The following PARVA variants were observed in gnomAD, a reference collection of about 807,000 sequenced individuals.
The protein encoded by PARVA is parvin alpha.
PARVA carries 25 observed loss-of-function variants against 52.6 expected under a neutral mutation model. The observed-to-expected ratio is 0.48, with a 90% CI of 0.35 to 0.66. The LOEUF (loss-of-function observed/expected upper bound fraction) is 0.66, where lower values mean the gene tolerates loss of function less well. Ranked by LOEUF, PARVA falls within the 30% of genes least tolerant of loss-of-function variation. The pLI, the probability that PARVA is intolerant of heterozygous loss-of-function variation, is 0.01. For synonymous variants in PARVA, 185 were observed against 179.1 expected (o/e 1.03, Z -0.26); for missense variants, 373 against 450.9 (o/e 0.83, Z 1.56).
chr11:12,493,605 C>T (rs1941259012), intron 4 of PARVA, among the ~76,000 whole-genome samples: 1 of 109,692 alleles, frequency 9.1e-6, no homozygotes, highest in Non-Finnish European at 1.9e-5. Context: ...TAAGAAATAC[C>T]AGACGCTAAA....
chr11:12,511,693 G>A (rs1027404101), intron 8 of PARVA, among the ~76,000 whole-genome samples, 160 bp downstream of exon 8: 1 of 151,970 alleles, frequency 6.6e-6, no homozygotes, highest in Non-Finnish European at 1.5e-5. Context: ...ACAGCTTACT[G>A]GCGGGAAGAA....
chr11:12,475,633 C>T (rs1188020958), intron 3 of PARVA, among the ~76,000 whole-genome samples: 1 of 152,202 alleles, frequency 6.6e-6, no homozygotes, highest in Admixed American at 6.5e-5. Context: ...GGCCATCTCA[C>T]TAGGGACTGG....
chr11:12,525,910 G>T (rs1271420728), intron 12 of PARVA, among the ~76,000 whole-genome samples: 2 of 152,012 alleles, frequency 1.3e-5, no homozygotes, highest in African/African-American at 2.4e-5. Context: ...GGCAGGAGGG[G>T]CCTTGGGGTG....
At chr11:12,395,852 A>C (rs368628381) in intron 1 of PARVA, among the ~76,000 whole-genome samples, 1 of 152,232 alleles carries the variant, frequency 6.6e-6, no homozygotes, top group East Asian at 1.9e-4. Flanking sequence ...TTTTGGAGGC[A>C]GAATCAGAAC....
intron 1 of PARVA, among the ~76,000 whole-genome samples, chr11:12,450,192 T>G (rs1057441971): frequency 1.3e-5 from 2 of 152,230 alleles, no homozygotes; most frequent in African/African-American, 4.8e-5. Context: ...ATAATAGTAG[T>G]ACCAGTAGAA....
intron 5 of PARVA, among the ~76,000 whole-genome samples, chr11:12,502,265 T>G (rs1236130072): frequency 6.6e-6 from 1 of 152,194 alleles, no homozygotes; most frequent in Non-Finnish European, 1.5e-5. Flanking sequence ...CCAGAAACCC[T>G]AATGAGTTAC....
intron 1 of PARVA, among the ~76,000 whole-genome samples, chr11:12,459,736 A>C (rs1028327065): frequency 2.6e-5 from 4 of 152,268 alleles, no homozygotes; most frequent in Admixed American, 2.0e-4. Flanking sequence ...TATAGAACCC[A>C]GTATGTTTTG....
chr11:12,461,247 C>T (rs1403114021), intron 1 of PARVA, among the ~76,000 whole-genome samples: 2 of 152,208 alleles, frequency 1.3e-5, no homozygotes, highest in Non-Finnish European at 2.9e-5. Context: ...ATGCCAGCTC[C>T]ACCCTGGCTG....
intron 1 of PARVA, among the ~76,000 whole-genome samples, chr11:12,466,823 T>A (rs944047877): frequency 2.6e-5 from 4 of 152,190 alleles, no homozygotes; most frequent in African/African-American, 9.7e-5. Flanking sequence ...TATGGTAGTG[T>A]TCGTCCTCCA....
intron 1 of PARVA, among the ~76,000 whole-genome samples, chr11:12,449,759 G>T (rs547323702): frequency 6.6e-6 from 1 of 152,298 alleles, no homozygotes; most frequent in East Asian, 1.9e-4. Flanking sequence ...CATTTAGTGG[G>T]TAGGGGCCAG....
chr11:12,445,949 TC>T (rs1291547244), intron 1 of PARVA, among the ~76,000 whole-genome samples: 1 of 152,186 alleles, frequency 6.6e-6, no homozygotes. Flanking sequence ...TAAATAGTAT[TC>T]TTATCCCAAT....
chr11:12,454,841 A>G (rs1216662684), intron 1 of PARVA, among the ~76,000 whole-genome samples: 3 of 152,200 alleles, frequency 2.0e-5, no homozygotes, highest in Admixed American at 1.3e-4. Flanking sequence ...AAACACAACT[A>G]TATTCATGTA....
intron 10 of PARVA, among the ~76,000 whole-genome samples, chr11:12,517,313 A>ACCCCCCC (rs1405572031): frequency 3.0e-4 from 20 of 66,240 alleles, no homozygotes; most frequent in Admixed American, 7.8e-4. Context: ...ACCACCCCCC[A>ACCCCCCC]CCCCCCACCC....
chr11:12,388,139 C>A (rs1285090537), intron 1 of PARVA, among the ~76,000 whole-genome samples: 1 of 152,188 alleles, frequency 6.6e-6, no homozygotes, highest in African/African-American at 2.4e-5. Flanking sequence ...AGCCCTCCCC[C>A]AAAAGACAGA....
chr11:12,476,513 C>T (rs1216260617), intron 3 of PARVA, among the ~76,000 whole-genome samples: 2 of 151,976 alleles, frequency 1.3e-5, no homozygotes, highest in South Asian at 4.2e-4. Flanking sequence ...AAAAAAAAGT[C>T]TCCTCAAACA....
At chr11:12,462,056 G>T (rs1016144738) in intron 1 of PARVA, among the ~76,000 whole-genome samples, 4 of 152,160 alleles carry the variant, frequency 2.6e-5, no homozygotes, top group Non-Finnish European at 5.9e-5. Context: ...TAAGGGACTG[G>T]GTTGGGGGGT....
chr11:12,386,843 G>A (rs1340364201), intron 1 of PARVA, among the ~76,000 whole-genome samples: 2 of 152,152 alleles, frequency 1.3e-5, no homozygotes, highest in Admixed American at 1.3e-4. Flanking sequence ...TCTGTGTAGG[G>A]TGGTCTGGGA....
At chr11:12,445,787 A>T (rs369734527) in intron 1 of PARVA, among the ~76,000 whole-genome samples, 1 of 152,188 alleles carries the variant, frequency 6.6e-6, no homozygotes, top group African/African-American at 2.4e-5. Flanking sequence ...TTAATTTTCC[A>T]GGAAAGTCTC....
Position 12,534,080 on chromosome 11 carries a change from A to G in PARVA, c.*6155A>G, listed in dbSNP as rs1564874393. Among the ~76,000 whole-genome samples, 1 of 152,132 alleles carries G rather than the reference A, an allele frequency of 6.6e-6. No homozygotes were observed. The highest frequency in any genetic ancestry group is 1.5e-5 in the Non-Finnish European group (1 of 68,024). On this transcript the variant is annotated 3_prime_UTR_variant, in exon 13 of 13. Coordinates refer to ENST00000334956, the MANE Select transcript of PARVA (RefSeq NM_018222.5). ...CTACTCAGGGGGCTGAGGCAGAAGT[A>G]TTGCTTGAACCCAGGAGGCAGAGGT... is the stretch of plus-strand genomic sequence containing the variant.
Sources: gnomAD v4.1 joint callset for allele counts (sites outside exome capture counted in the v4.1 genomes callset) on GRCh38, gnomAD v4.1.1 for gene constraint, MANE v1.5 for transcripts, NCBI Gene and HGNC (gene_info 2026-07-23, HGNC 2026-07-21) for gene names.